LPP: variants seen among roughly 807,000 people sequenced by gnomAD.
LPP encodes LIM domain containing preferred translocation partner in lipoma, also known as lipoma-preferred partner.
LPP carries 38 observed loss-of-function variants against 60.4 expected under a neutral mutation model. The observed-to-expected ratio is 0.63, with a 90% confidence interval of 0.49 to 0.83. The LOEUF is 0.83. Ranked by LOEUF, LPP falls within the 40% of genes least tolerant of loss-of-function variation. The pLI, the probability that LPP is intolerant of heterozygous loss-of-function variation, is 0.00. For missense variants in LPP, 902 were observed against 783.6 expected (o/e 1.15, Z -1.80); for synonymous variants, 328 against 290.8 (o/e 1.13, Z -1.30).
At chr3:188,794,880 G>A (rs112445474) in intron 9 of LPP, among the ~76,000 whole-genome samples, 20 of 152,332 alleles carry the variant, frequency 1.3e-4, no homozygotes, top group African/African-American at 4.8e-4. Context: ...GCTCATGCCT[G>A]TAATCCCAGC....
At chr3:188,536,703 TAAA>T (rs1823738673) in intron 6 of LPP, among the ~76,000 whole-genome samples, 1 of 152,204 alleles carries the variant, frequency 6.6e-6, no homozygotes, top group African/African-American at 2.4e-5. Flanking sequence ...TTAAGTGGGT[TAAA>T]AAGATATAAT....
intron 2 of LPP, among the ~76,000 whole-genome samples, chr3:188,319,494 G>A (rs1578080069): frequency 6.6e-6 from 1 of 152,108 alleles, no homozygotes; most frequent in African/African-American, 2.4e-5. Context: ...CTAATCAAAT[G>A]CATTTGAAAT....
At chr3:188,422,911 C>CT (rs372250640) in intron 4 of LPP, among the ~76,000 whole-genome samples, 3 of 108,602 alleles carry the variant, frequency 2.8e-5, no homozygotes, top group African/African-American at 1.0e-4. Flanking sequence ...TTGGTGTCTT[C>CT]TTTGTGTGTG....
chr3:188,701,344 G>A (rs900974924), intron 7 of LPP, among the ~76,000 whole-genome samples: 1 of 151,758 alleles, frequency 6.6e-6, no homozygotes, highest in Non-Finnish European at 1.5e-5. Flanking sequence ...AAAGAGGAAT[G>A]GCAAAGAAGA....
intron 7 of LPP, among the ~76,000 whole-genome samples, chr3:188,629,213 C>A (rs1242173007): frequency 6.6e-6 from 1 of 152,030 alleles, no homozygotes; most frequent in South Asian, 2.1e-4. Flanking sequence ...ATGCCCACTT[C>A]CACCACTCCT....
At chr3:188,429,445 A>T (rs1024706348) in intron 4 of LPP, among the ~76,000 whole-genome samples, 5 of 152,218 alleles carry the variant, frequency 3.3e-5, no homozygotes, top group Non-Finnish European at 7.3e-5. Flanking sequence ...TCCCTGATGC[A>T]GGTGGGTCCT....
At chr3:188,427,856 G>A (rs899940670) in intron 4 of LPP, among the ~76,000 whole-genome samples, 4 of 152,098 alleles carry the variant, frequency 2.6e-5, no homozygotes, top group African/African-American at 9.7e-5. Context: ...GCTCTGTGGG[G>A]GTGGGGTCCA....
intron 6 of LPP, among the ~76,000 whole-genome samples, chr3:188,601,318 A>G (rs573968970): frequency 2.6e-5 from 4 of 152,172 alleles, no homozygotes; most frequent in Non-Finnish European, 5.9e-5. Flanking sequence ...TTGAAACTAA[A>G]CATTTATGCT....
chr3:188,531,307 A>G (rs1276375585), intron 6 of LPP, among the ~76,000 whole-genome samples: 2 of 152,044 alleles, frequency 1.3e-5, no homozygotes, highest in Non-Finnish European at 2.9e-5. Flanking sequence ...TTCCTAGGTG[A>G]TAGGGGTGCT....
chr3:188,766,206 C>T (rs1372886368), intron 9 of LPP, among the ~76,000 whole-genome samples: 1 of 151,598 alleles, frequency 6.6e-6, no homozygotes, highest in Admixed American at 6.6e-5. Flanking sequence ...CCTAAAAGCC[C>T]CCAACTACTC....
At chr3:188,493,379 T>C (rs972207102) in intron 5 of LPP, among the ~76,000 whole-genome samples, 3 of 152,208 alleles carry the variant, frequency 2.0e-5, no homozygotes, top group South Asian at 2.1e-4. Context: ...GCAATTTTAC[T>C]AAACTGTGTC....
At chr3:188,845,825 T>C (rs1761254618) in intron 9 of LPP, among the ~76,000 whole-genome samples, 1 of 152,200 alleles carries the variant, frequency 6.6e-6, no homozygotes, top group Admixed American at 6.5e-5. Context: ...GACCGAAAGC[T>C]TATCTGAGAA....
chr3:188,271,653 T>C (rs1427093902), intron 2 of LPP, among the ~76,000 whole-genome samples: 1 of 152,242 alleles, frequency 6.6e-6, no homozygotes, highest in Non-Finnish European at 1.5e-5. Context: ...CTGTAGTCTA[T>C]TTTCAACAGA....
intron 9 of LPP, among the ~76,000 whole-genome samples, chr3:188,797,073 G>C (rs998400217): frequency 1.3e-5 from 2 of 151,874 alleles, no homozygotes; most frequent in Non-Finnish European, 2.9e-5. Flanking sequence ...TCTTCCCAAT[G>C]AATAGAATAG....
At chr3:188,223,770 G>A (rs751436901) in intron 1 of LPP, among the ~76,000 whole-genome samples, 4 of 152,174 alleles carry the variant, frequency 2.6e-5, no homozygotes, top group Non-Finnish European at 5.9e-5. Context: ...TGCAGCTTGC[G>A]GGTGAGGGTA....
intron 4 of LPP, among the ~76,000 whole-genome samples, chr3:188,475,323 C>T (rs1802868337): frequency 6.6e-6 from 1 of 152,140 alleles, no homozygotes; most frequent in Non-Finnish European, 1.5e-5. Context: ...ATGACAGGGA[C>T]ATTAAATTTT....
intron 6 of LPP, among the ~76,000 whole-genome samples, chr3:188,539,010 G>C (rs1824415614): frequency 1.3e-5 from 2 of 152,142 alleles, no homozygotes; most frequent in Admixed American, 1.3e-4. Context: ...CAGTGGCCAG[G>C]GGGAGGGGAC....
chr3:188,803,676 T>A (rs569390778), intron 9 of LPP, among the ~76,000 whole-genome samples: 31 of 152,340 alleles, frequency 2.0e-4, no homozygotes, highest in Admixed American at 5.2e-4. Context: ...TGTTAATATA[T>A]GTCTGTCCAT....
Position 188,352,293 on chromosome 3 carries a change from G to A in LPP, c.-10+10574G>A, listed in dbSNP as rs74777907. Among the ~76,000 whole-genome samples the A allele has an allele frequency of 7.8e-3, 1,186 of 152,328 alleles. 4 individuals carry two copies. Among genetic ancestry groups the A allele is most frequent in the Non-Finnish European group, 0.013 (894 of 68,032 alleles). On this transcript the variant is annotated intron_variant, in intron 3 of 11. Transcript: ENST00000617246. The surrounding 1 kb of genome is among the most constrained non-coding windows in gnomAD (Gnocchi z 4.4). The stretch of plus-strand genomic sequence containing the variant: ...CGAGGTTTGATTGCTGTTCTGAAAT[G>A]TGGCAGCTGCGCACACGTATTGGCT...
Sources: allele counts gnomAD v4.1 joint callset (sites outside exome capture counted in the v4.1 genomes callset), GRCh38; gene constraint gnomAD v4.1.1; non-coding constraint Gnocchi (gnomAD v3.1); transcripts MANE v1.5; gene names NCBI Gene and HGNC (gene_info 2026-07-23, HGNC 2026-07-21).